The following KIF16B variants were observed in gnomAD, a reference collection of about 807,000 sequenced individuals.
The protein encoded by KIF16B is kinesin-like protein KIF16B.
Under a neutral mutation model 156.3 loss-of-function variants are expected in KIF16B, and 98 were observed. The ratio of observed to expected loss-of-function variants is 0.63; its 90% CI spans 0.53 to 0.74. The LOEUF (loss-of-function observed/expected upper bound fraction) is 0.74, where lower values mean the gene tolerates loss of function less well. Ranked by LOEUF, KIF16B falls within the 30% of genes least tolerant of loss-of-function variation. The probability of loss-of-function intolerance (pLI) is 0.00; values close to 1 mark genes in which losing one functional copy is unlikely to be tolerated. For synonymous variants in KIF16B, 564 were observed against 583.7 expected, an observed-to-expected ratio of 0.97 and a Z score of 0.49; for missense variants, 1,421 against 1,606.5, an observed-to-expected ratio of 0.88 and a Z score of 1.97.
At chr20:16,410,405 A>T (rs1462651055) in intron 15 of KIF16B, among the ~76,000 whole-genome samples, 1 of 151,420 alleles carries the variant, frequency 6.6e-6, no homozygotes, top group Non-Finnish European at 1.5e-5. Context: ...ACTATCCCTT[A>T]GCCAAAATGC....
At chr20:16,432,846 A>G (rs2066538225) in intron 12 of KIF16B, among the ~76,000 whole-genome samples, 1 of 152,194 alleles carries the variant, frequency 6.6e-6, no homozygotes, top group Non-Finnish European at 1.5e-5. Flanking sequence ...AAAATGACCA[A>G]TGCATAACTT....
At chr20:16,558,475 T>C (rs2070935653) in intron 1 of KIF16B, among the ~76,000 whole-genome samples, 1 of 152,212 alleles carries the variant, frequency 6.6e-6, no homozygotes, top group African/African-American at 2.4e-5. Flanking sequence ...CAGAGAAGAC[T>C]GTGAGGCCCC....
intron 24 of KIF16B, among the ~76,000 whole-genome samples, chr20:16,318,831 GC>G (rs1249823464): frequency 3.3e-5 from 5 of 152,040 alleles, no homozygotes; most frequent in African/African-American, 1.2e-4. Context: ...CAAGAAAGTA[GC>G]CCATTATTTC....
At position 16,427,179 on chromosome 20, in the gene KIF16B, T is replaced by C. The variant is rs1369179266; in HGVS notation, c.1537A>G (p.Thr513Ala). ...CIFENIGGTVTLIPLSGSQCS... is the reference protein window; with the variant it reads ...CIFENIGGTVALIPLSGSQCS... ...TGGGACCCACTCAGGGGTATCAGAG[T>C]CACTGTCCCCCCGATATTTTCAAAG... The change falls in exon 15 of 26, where the codon ACT (threonine) becomes GCT (alanine). Residue 513 changes from threonine to alanine, a missense_variant. Physicochemically the swap from Thr to Ala is moderately conservative, Grantham distance 58. Coordinates refer to ENST00000354981, the MANE Select transcript of KIF16B (RefSeq NM_024704.5). 2 of 1,612,384 alleles carry C rather than the reference T, an allele frequency of 1.2e-6. No homozygotes were observed. The highest frequency in any genetic ancestry group is 8.5e-7 in the Non-Finnish European group (1 of 1,178,988).
intron 25 of KIF16B, among the ~76,000 whole-genome samples, chr20:16,282,743 T>C (rs6043850): frequency 0.64 from 96,784 of 151,866 alleles, 31,817 homozygotes; most frequent in East Asian, 0.99. Context: ...GGACTGCTCC[T>C]GGACCTGGGC....
intron 21 of KIF16B, among the ~76,000 whole-genome samples, chr20:16,371,211 G>T (rs1256124707): frequency 6.6e-6 from 1 of 151,986 alleles, no homozygotes; most frequent in Non-Finnish European, 1.5e-5. Flanking sequence ...TTTTTTTCTA[G>T]AACATTCCAC....
At chr20:16,433,497 G>A (rs2066559052) in intron 12 of KIF16B, among the ~76,000 whole-genome samples, 1 of 151,772 alleles carries the variant, frequency 6.6e-6, no homozygotes, top group Non-Finnish European at 1.5e-5. Context: ...CTTGAAATAA[G>A]ATTTTGAAAG....
At chr20:16,404,072 G>T (rs2065722274) in intron 17 of KIF16B, among the ~76,000 whole-genome samples, 1 of 152,186 alleles carries the variant, frequency 6.6e-6, no homozygotes, top group Admixed American at 6.5e-5. Flanking sequence ...TTAACATAGT[G>T]CCTGGCATAT....
intron 14 of KIF16B, 69 bp downstream of exon 14, chr20:16,428,884 C>T (rs1312245532): frequency 1.5e-5 from 20 of 1,330,728 alleles, no homozygotes; most frequent in African/African-American, 2.9e-5. Flanking sequence ...GTCAGTCATT[C>T]GAAAAAGTTC....
At chr20:16,478,275 C>T (rs1424187222) in intron 12 of KIF16B, among the ~76,000 whole-genome samples, 2 of 152,052 alleles carry the variant, frequency 1.3e-5, no homozygotes, top group Non-Finnish European at 2.9e-5. Flanking sequence ...ACTAGATACC[C>T]ACTAGAGTGC....
At chr20:16,286,103 G>T (rs996524626) in intron 25 of KIF16B, among the ~76,000 whole-genome samples, 1 of 152,168 alleles carries the variant, frequency 6.6e-6, no homozygotes, top group African/African-American at 2.4e-5. Flanking sequence ...TACTTTAGTC[G>T]AATGATGTAT....
At position 16,528,383 on chromosome 20, in the gene KIF16B, G is replaced by A. The variant is rs781185056; in HGVS notation, c.105C>T (p.Ile35=). 9.3e-6 allele frequency: 15 copies of A among 1,613,828 alleles called. 1 individual carries two copies. Among genetic ancestry groups the A allele is most frequent in the Middle Eastern group, 3.3e-4 (2 of 6,060 alleles). ...GGTCATGACTTGCCTTTAAGTTTGT[G>A]ATTGTCGTTTTGCTTTTCTCCATCT... is the stretch of plus-strand genomic sequence containing the variant. ...IIQMEKSKTT[I]TNLKIPEGGT... The change falls in exon 2 of 26, where the codon ATC becomes ATT. Residue 35 remains isoleucine (I), a synonymous_variant. Coordinates refer to ENST00000354981, the MANE Select transcript of KIF16B (RefSeq NM_024704.5).
intron 3 of KIF16B, among the ~76,000 whole-genome samples, chr20:16,524,377 C>G (rs2069458816): frequency 6.6e-6 from 1 of 152,168 alleles, no homozygotes; most frequent in African/African-American, 2.4e-5. Flanking sequence ...TATGAACAGA[C>G]ACTTCTCAAA....
rs116523817 is a variant in KIF16B at position 16,405,019 on chromosome 20, G to C, written c.1696-118C>G. On this transcript the variant is annotated intron_variant, in intron 16 of 25. Transcript: ENST00000354981. The stretch of plus-strand genomic sequence containing the variant: ...AGGTGCACATGCTCCTAATTAACAC[G>C]CACCACAATTAACTGGTCTATCTGA... 8.7e-6 allele frequency: 6 copies of C among 691,002 alleles called. No individual in the cohort carries two copies. In the Admixed American group the frequency reaches 8.7e-5, roughly 10 times the overall value. 42.8% of individuals were successfully genotyped at this position (691,002 alleles called of 1,614,324 possible). A position where few individuals can be genotyped will look rare whatever the true frequency, so the allele number is the denominator to read the frequency against.
chr20:16,302,128 T>C (rs532064876), intron 25 of KIF16B, among the ~76,000 whole-genome samples: 23 of 152,344 alleles, frequency 1.5e-4, no homozygotes, highest in African/African-American at 5.0e-4. Context: ...AGTTTTAAAC[T>C]TTAGTGAAGT....
At chr20:16,439,217 A>G (rs1474375232) in intron 12 of KIF16B, among the ~76,000 whole-genome samples, 1 of 152,122 alleles carries the variant, frequency 6.6e-6, no homozygotes, top group Non-Finnish European at 1.5e-5. Flanking sequence ...CTCCACTGCT[A>G]CTGCCCTGGT....
intron 12 of KIF16B, among the ~76,000 whole-genome samples, chr20:16,435,085 A>T (rs2066608079): frequency 6.6e-6 from 1 of 152,246 alleles, no homozygotes; most frequent in Non-Finnish European, 1.5e-5. Context: ...AACTATTTCA[A>T]CCATGTTTCT....
In KIF16B at chr20:16,505,922, CA is replaced by C. The variant is rs1390243134; in HGVS notation, c.869-70del. ...AATTTTTTTTCCTCTACTTTTGCTT[CA>C]TAAAACCTTGAAGAAATTACCTCAG... On this transcript the variant is annotated intron_variant, in intron 8 of 25. Transcript: ENST00000354981. 4.4e-6 allele frequency: 7 copies of C among 1,605,260 alleles called. No individual in the cohort carries two copies. In the African/African-American group the frequency reaches 9.4e-5, roughly 22 times the overall value.
At chr20:16,301,218 T>C (rs2063467134) in intron 25 of KIF16B, among the ~76,000 whole-genome samples, 1 of 152,236 alleles carries the variant, frequency 6.6e-6, no homozygotes, top group Admixed American at 6.5e-5. Flanking sequence ...TGTACCACAG[T>C]TTATTTATCC....
Sources: gnomAD v4.1 joint callset for allele counts (sites outside exome capture counted in the v4.1 genomes callset) on GRCh38, gnomAD v4.1.1 for gene constraint, MANE v1.5 for transcripts, NCBI Gene and HGNC (gene_info 2026-07-23, HGNC 2026-07-21) for gene names.